Variants in ZFR2 observed in about 807,000 individuals in gnomAD.
The protein encoded by ZFR2 is zinc finger RNA-binding protein 2.
In ZFR2, 104 loss-of-function variants were observed where a neutral mutation model predicts 105.7. The observed-to-expected ratio is 0.98, with a 90% confidence interval of 0.84 to 1.16. The LOEUF is 1.16. ZFR2 is among the 50% of genes most tolerant of loss of function. The pLI, the probability that ZFR2 is intolerant of heterozygous loss-of-function variation, is 0.00. For synonymous variants in ZFR2, 634 were observed against 597.7 expected (o/e 1.06, Z -0.89); for missense variants, 1,425 against 1,355.5 (o/e 1.05, Z -0.80).
In ZFR2 at chr19:3,820,231, T is replaced by G; in HGVS notation, c.1691A>C (p.Gln564Pro). 1 of 1,551,136 alleles carries G rather than the reference T, an allele frequency of 6.4e-7. No individual in the cohort carries two copies. Among genetic ancestry groups the G allele is most frequent in the Non-Finnish European group, 8.7e-7 (1 of 1,147,422 alleles). Reference protein sequence around the residue: ...VPPHAPPDWAQPLLMGRPESP... With the variant: ...VPPHAPPDWAPPLLMGRPESP... Reference sequence around the variant, plus strand: ...CTCCGGCCTGCCCATGAGCAGAGGCTGGGCCCAGTCGGGCGGCGCGTGGGG... The same window carrying G: ...CTCCGGCCTGCCCATGAGCAGAGGCGGGGCCCAGTCGGGCGGCGCGTGGGG... Residue 564 changes from glutamine (Q) to proline (P), a missense_variant, in exon 11 of 19, where the codon CAG (glutamine) becomes CCG (proline). Gln to Pro is a moderately conservative substitution (Grantham distance 76). Transcript: ENST00000262961.
intron 3 of ZFR2, 73 bp from the exon 4 acceptor site, chr19:3,831,951 G>T: frequency 7.6e-7 from 1 of 1,307,652 alleles, no homozygotes; most frequent in South Asian, 1.5e-5. Context: ...ATGGGCCCTG[G>T]ACTCAACTGG....
intron 5 of ZFR2, among the ~76,000 whole-genome samples, chr19:3,827,966 G>A (rs560063899): frequency 7.9e-5 from 12 of 151,238 alleles, no homozygotes; most frequent in African/African-American, 2.2e-4. Context: ...GACTACAGGC[G>A]GGTGCCACCA....
Position 3,833,653 on chromosome 19 carries a change from A to T in ZFR2, c.379+11T>A. ...TCCTCGTTCCCAGCCCCGACCCTGC[A>T]GATGGCTCACCTGGCTGGCCGGAGT... On this transcript the variant is annotated intron_variant, in intron 3 of 18. Coordinates refer to ENST00000262961, the MANE Select transcript of ZFR2 (RefSeq NM_015174.2). 1.3e-6 allele frequency: 2 copies of T among 1,548,640 alleles called. No homozygotes were observed. The highest frequency in any genetic ancestry group is 8.7e-7 in the Non-Finnish European group (1 of 1,145,922).
At chr19:3,864,121 G>A (rs1350382374) in intron 1 of ZFR2, among the ~76,000 whole-genome samples, 1 of 152,144 alleles carries the variant, frequency 6.6e-6, no homozygotes, top group East Asian at 1.9e-4. Flanking sequence ...CAGGGAGGAA[G>A]TGCCTGTAAT....
chr19:3,858,151 C>T lies in ZFR2; in HGVS notation c.53+10814G>A, dbSNP rs532411258. Among the ~76,000 whole-genome samples the T allele has an allele frequency of 3.3e-5, 5 of 152,192 alleles. No homozygotes were observed. The highest frequency in any genetic ancestry group is 4.2e-4 in the South Asian group (2 of 4,818). ...CACACGGCCACCAAACTCAAGGGGA[C>T]GTCAAGGCCTAGGGGATGGAATGGG... On this transcript the variant is annotated intron_variant, in intron 1 of 18. Coordinates refer to ENST00000262961, the MANE Select transcript of ZFR2 (RefSeq NM_015174.2). The surrounding 1 kb of genome is among the most constrained non-coding windows in gnomAD (Gnocchi z 4.3).
At position 3,851,920 on chromosome 19, in the gene ZFR2, G is replaced by A. The variant is rs115865706; in HGVS notation, c.54-16937C>T. 420 of 181,790 alleles carry A rather than the reference G, an allele frequency of 2.3e-3. 1 individual carries two copies. Among genetic ancestry groups the A allele is most frequent in the African/African-American group, 9.8e-3 (410 of 42,048 alleles). 11.3% of individuals were successfully genotyped at this position (181,790 alleles called of 1,614,324 possible). On this transcript the variant is annotated intron_variant, in intron 1 of 18. Transcript: ENST00000262961. ...CAGGGTTCACTAATGTGACAGACAT[G>A]GTGTGGCTCACAAAGCCAAAGATAT...
intron 1 of ZFR2, chr19:3,852,160 C>T (rs529944670): frequency 3.5e-4 from 143 of 410,078 alleles, no homozygotes; most frequent in African/African-American, 2.6e-3. Flanking sequence ...CTGGCCCAGG[C>T]GGGGCTCAGC....
In ZFR2 at chr19:3,862,827, G is replaced by A. The variant is rs545787264; in HGVS notation, c.53+6138C>T. Reference sequence around the variant, plus strand: ...GTATTTCAGCCTTGCTGAGAAGGGCGTGAAAAAGACCGCAGCAACATGGGA... The same window carrying A: ...GTATTTCAGCCTTGCTGAGAAGGGCATGAAAAAGACCGCAGCAACATGGGA... On this transcript the variant is annotated intron_variant, in intron 1 of 18. Coordinates refer to ENST00000262961, the MANE Select transcript of ZFR2 (RefSeq NM_015174.2). 1.6e-4 allele frequency among the ~76,000 whole-genome samples: 24 copies of A among 152,312 alleles called. No individual in the cohort carries two copies. The South Asian group carries it at 3.5e-3, about 22-fold the overall frequency.
intron 1 of ZFR2, among the ~76,000 whole-genome samples, chr19:3,849,636 G>C (rs1028608991): frequency 6.6e-6 from 1 of 152,354 alleles, no homozygotes; most frequent in African/African-American, 2.4e-5. Flanking sequence ...GGTGGACAGA[G>C]CCAAAGGCTG....
At position 3,834,049 on chromosome 19, in the gene ZFR2, C is replaced by T. The variant is rs1466872402; in HGVS notation, c.265-271G>A. On this transcript the variant is annotated intron_variant, in intron 2 of 18. Coordinates refer to ENST00000262961, the MANE Select transcript of ZFR2 (RefSeq NM_015174.2). The surrounding 1 kb of genome is among the most constrained non-coding windows in gnomAD (Gnocchi z 5.3). Reference sequence around the variant, plus strand: ...GCAATTTACAAGAGGACGCTTGGTGCGGCAGGAGAGGGCGGGTTTGCAGGG... The same window carrying T: ...GCAATTTACAAGAGGACGCTTGGTGTGGCAGGAGAGGGCGGGTTTGCAGGG... Among the ~76,000 whole-genome samples the T allele has an allele frequency of 6.6e-6, 1 of 152,040 alleles. No homozygotes were observed. The highest frequency in any genetic ancestry group is 1.5e-5 in the Non-Finnish European group (1 of 68,008).
chr19:3,820,235 C>A lies in ZFR2; in HGVS notation c.1687G>T (p.Ala563Ser), dbSNP rs1358912470. 1 of 1,550,330 alleles carries A rather than the reference C, an allele frequency of 6.5e-7. No individual in the cohort carries two copies. The highest frequency in any genetic ancestry group is 8.7e-7 in the Non-Finnish European group (1 of 1,147,130). Residue 563 changes from alanine (A) to serine (S), a missense_variant, in exon 11 of 19, where the codon GCC becomes TCC. Transcript: ENST00000262961. ...GGCCTGCCCATGAGCAGAGGCTGGG[C>A]CCAGTCGGGCGGCGCGTGGGGCGGC... ...DVPPHAPPDW[A>S]QPLLMGRPES...
At chr19:3,820,425 T>C (rs2037877777) in intron 10 of ZFR2, 135 bp from the exon 11 acceptor site, 1 of 815,542 alleles carries the variant, frequency 1.2e-6, no homozygotes, top group Admixed American at 3.0e-5. Flanking sequence ...TCCACTGCAC[T>C]GCATGGGTGC....
chr19:3,866,255 G>T (rs2038425947), intron 1 of ZFR2, among the ~76,000 whole-genome samples: 1 of 152,152 alleles, frequency 6.6e-6, no homozygotes, highest in Non-Finnish European at 1.5e-5. Flanking sequence ...CTTGTTTCAA[G>T]GTTTTGTGAG....
At chr19:3,812,743 C>G (rs55857892) in intron 14 of ZFR2, among the ~76,000 whole-genome samples, 30,345 of 150,718 alleles carry the variant, frequency 0.2, 3,666 homozygotes, top group East Asian at 0.42. Context: ...TTTAATGATT[C>G]AAGGCTCTTA....
intron 10 of ZFR2, 51 bp downstream of exon 10, chr19:3,821,289 G>A (rs1221978021): frequency 1.3e-6 from 2 of 1,505,366 alleles, no homozygotes; most frequent in South Asian, 1.3e-5. Context: ...GTTCCACGCT[G>A]GACCTGCCCT....
At chr19:3,850,377 T>C (rs867551450) in intron 1 of ZFR2, among the ~76,000 whole-genome samples, 1 of 151,910 alleles carries the variant, frequency 6.6e-6, no homozygotes, top group South Asian at 2.1e-4. Flanking sequence ...CAGTGCCAGG[T>C]AGAACCTGGG....
intron 6 of ZFR2, 89 bp downstream of exon 6, chr19:3,827,382 G>A: frequency 1.4e-6 from 2 of 1,384,660 alleles, no homozygotes; most frequent in South Asian, 3.4e-5. Context: ...AGCTCCCTCT[G>A]ATCTCCCCAG....
intron 2 of ZFR2, 92 bp from the exon 3 acceptor site, chr19:3,833,870 A>G: frequency 1.0e-6 from 1 of 970,416 alleles, no homozygotes; most frequent in Non-Finnish European, 1.5e-6. Context: ...TGCACTCTGC[A>G]CTTAGTCCTT....
rs866133667 is a variant in ZFR2, at chr19:3,808,926, C to T, written c.2491G>A (p.Gly831Arg). Residue 831 changes from glycine (G) to arginine (R), a missense_variant, in exon 17 of 19, where the codon GGG (glycine) becomes AGG (arginine). Coordinates refer to ENST00000262961, the MANE Select transcript of ZFR2 (RefSeq NM_015174.2). ...VSSAAGPLGP[G>R]DAVRRVLECV... The stretch of plus-strand genomic sequence containing the variant: ...TCCAGGACTCGCCTGACTGCATCCC[C>T]GGGGCCCAGGGGCCCAGCCGCACTG... The T allele has an allele frequency of 1.9e-6, 3 of 1,572,776 alleles. 1 individual carries two copies. In the South Asian group the frequency reaches 3.5e-5, roughly 18 times the overall value.
Sources: allele counts gnomAD v4.1 joint callset (sites outside exome capture counted in the v4.1 genomes callset), GRCh38; gene constraint gnomAD v4.1.1; non-coding constraint Gnocchi (gnomAD v3.1); transcripts MANE v1.5; gene names NCBI Gene and HGNC (gene_info 2026-07-23, HGNC 2026-07-21).